The following SEMA4D variants were observed in gnomAD, a reference collection of about 807,000 sequenced individuals.
The protein encoded by SEMA4D is semaphorin 4D, also known as semaphorin-4D.
A neutral mutation model predicts 74.8 loss-of-function variants in SEMA4D; 22 were observed. The observed-to-expected ratio is 0.29, with a 90% CI of 0.21 to 0.42. The LOEUF is 0.42. SEMA4D is among the 10% of genes least tolerant of loss of function. SEMA4D has a pLI of 1.00. For synonymous variants in SEMA4D, 445 were observed against 463.7 expected (o/e 0.96, Z 0.52); for missense variants, 937 against 1,118.4 (o/e 0.84, Z 2.31).
chr9:89,371,973 G>GT (rs1835016709), intron 16 of SEMA4D, among the ~76,000 whole-genome samples: 1 of 122,318 alleles, frequency 8.2e-6, no homozygotes, highest in Non-Finnish European at 1.8e-5. Flanking sequence ...TGTGGGGTGT[G>GT]GTGTGTGTCT....
rs142438250 is a variant in SEMA4D, at chr9:89,423,415, T to TC, written c.-243-17717dup. On this transcript the variant is annotated intron_variant, in intron 2 of 15. Coordinates refer to ENST00000422704, the MANE Select transcript of SEMA4D (RefSeq NM_001371194.2). ...CATGTTGGTCAGGCTGGTCTCAAAC[T>TC]CCCAACCTCGGTGATCCGTCCACCT... Among the ~76,000 whole-genome samples the TC allele has an allele frequency of 5.1e-3, 774 of 152,204 alleles. 8 individuals are homozygous for TC. The highest frequency in any genetic ancestry group is 0.017 in the African/African-American group (708 of 41,520).
At chr9:89,463,442 T>C (rs534396776) in intron 1 of SEMA4D, among the ~76,000 whole-genome samples, 1 of 152,312 alleles carries the variant, frequency 6.6e-6, no homozygotes, top group South Asian at 2.1e-4. Context: ...TCCCAGGTGC[T>C]AAATCTGTTC....
At chr9:89,429,829 G>A (rs141379241) in intron 2 of SEMA4D, among the ~76,000 whole-genome samples, 261 of 152,244 alleles carry the variant, frequency 1.7e-3, no homozygotes, top group African/African-American at 5.9e-3. Context: ...AAGAAATTAC[G>A]CGGTTTGCAA....
chr9:89,395,651 G>A (rs1299811133), intron 6 of SEMA4D, among the ~76,000 whole-genome samples: 1 of 152,100 alleles, frequency 6.6e-6, no homozygotes, highest in Non-Finnish European at 1.5e-5. Flanking sequence ...AGGACTGAGG[G>A]TCTTACTATC....
downstream of SEMA4D, chr9:89,377,012 G>C: frequency 6.5e-7 from 1 of 1,544,170 alleles, no homozygotes; most frequent in Non-Finnish European, 8.8e-7. Context: ...ACAGGACAGG[G>C]AAGAGGAGCC....
At chr9:89,479,539 G>A (rs574815157) in intron 1 of SEMA4D, 94 of 182,230 alleles carry the variant, frequency 5.2e-4, no homozygotes, top group African/African-American at 2.0e-3. Flanking sequence ...GAATGAAGCC[G>A]TGGACCCTCG....
chr9:89,460,601 G>T (rs988417865), intron 1 of SEMA4D, among the ~76,000 whole-genome samples: 1 of 152,200 alleles, frequency 6.6e-6, no homozygotes, highest in Non-Finnish European at 1.5e-5. Flanking sequence ...ATGTTTAACC[G>T]AGGTTCCACC....
intron 1 of SEMA4D, among the ~76,000 whole-genome samples, chr9:89,468,390 A>G (rs1157287563): frequency 6.6e-6 from 1 of 152,208 alleles, no homozygotes; most frequent in African/African-American, 2.4e-5. Context: ...AAGTCCATCA[A>G]TGAAAAAATG....
chr9:89,381,121 T>C lies in SEMA4D; in HGVS notation c.1620-23A>G, dbSNP rs200819365. 37 of 1,614,144 alleles carry C rather than the reference T, an allele frequency of 2.3e-5. No homozygotes were observed. The highest frequency in any genetic ancestry group is 1.7e-4 in the Middle Eastern group (1 of 6,060). On this transcript the variant is annotated intron_variant, in intron 14 of 15. Coordinates refer to ENST00000422704, the MANE Select transcript of SEMA4D (RefSeq NM_001371194.2). The surrounding 1 kb of genome is among the most constrained non-coding windows in gnomAD (Gnocchi z 4.6). ...CCCCTGCAAAACAACCGGCACGTGT[T>C]ATTCACCCACACACATGGGGGACAT...
chr9:89,468,745 C>G (rs954702828), intron 1 of SEMA4D, among the ~76,000 whole-genome samples: 2 of 152,154 alleles, frequency 1.3e-5, no homozygotes, highest in African/African-American at 4.8e-5. Context: ...TAAGGCTGCC[C>G]AGATTCTCCC....
chr9:89,465,168 G>A (rs981588078), intron 1 of SEMA4D, among the ~76,000 whole-genome samples: 2 of 152,154 alleles, frequency 1.3e-5, no homozygotes, highest in African/African-American at 4.8e-5. Flanking sequence ...TCCGCCCACA[G>A]AATGTTCCTC....
chr9:89,413,170 T>C (rs918378122), intron 2 of SEMA4D, among the ~76,000 whole-genome samples: 1 of 152,198 alleles, frequency 6.6e-6, no homozygotes, highest in African/African-American at 2.4e-5. Flanking sequence ...CAGGAGCCCA[T>C]TAGAAAGACA....
At chr9:89,423,068 T>C (rs1196197121) in intron 2 of SEMA4D, among the ~76,000 whole-genome samples, 1 of 152,210 alleles carries the variant, frequency 6.6e-6, no homozygotes, top group Non-Finnish European at 1.5e-5. Flanking sequence ...TAATCACACA[T>C]AACTTCCATG....
In SEMA4D at chr9:89,438,178, C is replaced by A. The variant is rs533365444; in HGVS notation, c.-244+17710G>T. 9.2e-5 allele frequency among the ~76,000 whole-genome samples: 14 copies of A among 152,362 alleles called. 1 individual carries two copies. In the South Asian group the frequency reaches 2.5e-3, roughly 27 times the overall value. ...CACTGTAGAGAATACTCAAGCCAAGCGCCCTGCTTCTCTCCTGGGAGCCTT... is the reference window on the plus strand; with the variant it reads ...CACTGTAGAGAATACTCAAGCCAAGAGCCCTGCTTCTCTCCTGGGAGCCTT... On this transcript the variant is annotated intron_variant, in intron 2 of 15. Coordinates refer to ENST00000422704, the MANE Select transcript of SEMA4D (RefSeq NM_001371194.2).
intron 2 of SEMA4D, among the ~76,000 whole-genome samples, chr9:89,437,520 G>A (rs111985226): frequency 0.031 from 4,653 of 152,284 alleles, 128 homozygotes; most frequent in East Asian, 0.1. Context: ...CTAGCAGGCG[G>A]CAGCGACAGG....
intron 2 of SEMA4D, among the ~76,000 whole-genome samples, chr9:89,426,124 C>A (rs1484796307): frequency 6.6e-6 from 1 of 152,220 alleles, no homozygotes; most frequent in African/African-American, 2.4e-5. Flanking sequence ...GGGGACTGGA[C>A]CTCCTCCAGG....
intron 1 of SEMA4D, among the ~76,000 whole-genome samples, chr9:89,475,400 C>G (rs1861510183): frequency 6.6e-6 from 1 of 152,234 alleles, no homozygotes; most frequent in Non-Finnish European, 1.5e-5. Flanking sequence ...CCCAACCACA[C>G]CAGGACTGGT....
intron 1 of SEMA4D, among the ~76,000 whole-genome samples, chr9:89,471,999 G>A (rs1860466393): frequency 6.6e-6 from 1 of 151,046 alleles, no homozygotes; most frequent in South Asian, 2.1e-4. Flanking sequence ...GGTGCATGCT[G>A]ACTCAGATGC....
chr9:89,417,602 G>A (rs761053026), intron 2 of SEMA4D, among the ~76,000 whole-genome samples: 4 of 152,206 alleles, frequency 2.6e-5, no homozygotes, highest in Non-Finnish European at 5.9e-5. Context: ...GGCTTGGAAC[G>A]GACCAAAATT....
Sources: allele counts gnomAD v4.1 joint callset (sites outside exome capture counted in the v4.1 genomes callset), GRCh38; gene constraint gnomAD v4.1.1; non-coding constraint Gnocchi (gnomAD v3.1); transcripts MANE v1.5; gene names NCBI Gene and HGNC (gene_info 2026-07-23, HGNC 2026-07-21).